Variants in QKI observed in about 807,000 individuals in gnomAD.
The protein encoded by QKI is QKI, KH domain containing RNA binding.
In QKI, 10 loss-of-function variants were observed where a neutral mutation model predicts 39.0. The ratio of observed to expected loss-of-function variants is 0.26; its 90% CI spans 0.16 to 0.43. QKI has a LOEUF of 0.43. Among genes scored for constraint, QKI ranks in the 20% least tolerant of loss-of-function variants. QKI has a pLI of 1.00. For missense variants in QKI, 218 were observed against 428.0 expected, an observed-to-expected ratio of 0.51 and a Z score of 4.33; for synonymous variants, 204 against 155.4, an observed-to-expected ratio of 1.31 and a Z score of -2.33.
chr6:163,543,092 G>T (rs1275250909), intron 4 of QKI, among the ~76,000 whole-genome samples: 1 of 152,040 alleles, frequency 6.6e-6, no homozygotes, highest in African/African-American at 2.4e-5. Context: ...ACCTGAAAAT[G>T]TTAAGAGTTA....
intron 3 of QKI, among the ~76,000 whole-genome samples, chr6:163,511,010 C>T (rs1402038312): frequency 2.6e-5 from 4 of 152,126 alleles, no homozygotes; most frequent in African/African-American, 9.7e-5. Flanking sequence ...TTCACCAAAA[C>T]AGAGCATGCT....
At chr6:163,507,070 A>G (rs1779146482) in intron 3 of QKI, among the ~76,000 whole-genome samples, 2 of 152,178 alleles carry the variant, frequency 1.3e-5, no homozygotes, top group Admixed American at 1.3e-4. Context: ...TGGGCATTGA[A>G]GCCAGTCTCA....
intron 1 of QKI, chr6:163,415,809 C>G (rs1787411304): frequency 2.3e-6 from 1 of 443,696 alleles, no homozygotes; most frequent in African/African-American, 2.0e-5. Context: ...CCCACCGCCC[C>G]GCGTTCGGGA....
At chr6:163,564,820 T>C in intron 6 of QKI, 1 of 1,583,646 alleles carries the variant, frequency 6.3e-7, no homozygotes, top group Middle Eastern at 1.7e-4. Flanking sequence ...ATTTGAATAC[T>C]TTTTTTCCTG....
At chr6:163,467,757 A>G (rs1791875100) in intron 2 of QKI, among the ~76,000 whole-genome samples, 1 of 152,178 alleles carries the variant, frequency 6.6e-6, no homozygotes, top group African/African-American at 2.4e-5. Flanking sequence ...TTTCCCTCAA[A>G]ACACAAGACA....
At chr6:163,492,448 AC>A (rs1778116792) in intron 3 of QKI, among the ~76,000 whole-genome samples, 1 of 152,194 alleles carries the variant, frequency 6.6e-6, no homozygotes, top group Admixed American at 6.5e-5. Context: ...ATGTTTAACA[AC>A]AATTGTGAAT....
chr6:163,439,587 C>T (rs1789599163), intron 1 of QKI, among the ~76,000 whole-genome samples: 2 of 150,994 alleles, frequency 1.3e-5, no homozygotes, highest in Non-Finnish European at 2.9e-5. Context: ...CTGCTGACCT[C>T]AGGTGATCCA....
intron 4 of QKI, among the ~76,000 whole-genome samples, chr6:163,546,483 T>A (rs1214022966): frequency 1.3e-5 from 2 of 152,058 alleles, no homozygotes; most frequent in Non-Finnish European, 2.9e-5. Flanking sequence ...TGTTTTGATA[T>A]TTTTAAGTAA....
intron 4 of QKI, among the ~76,000 whole-genome samples, chr6:163,543,697 T>A (rs1781686550): frequency 6.6e-6 from 1 of 152,084 alleles, no homozygotes; most frequent in Non-Finnish European, 1.5e-5. Flanking sequence ...TATAGAAGGC[T>A]GATAGCTTCT....
chr6:163,450,400 G>C (rs1562445875), intron 1 of QKI, among the ~76,000 whole-genome samples: 1 of 152,144 alleles, frequency 6.6e-6, no homozygotes, highest in Non-Finnish European at 1.5e-5. Flanking sequence ...AAGTAGCAGA[G>C]TGCACGTACA....
intron 1 of QKI, among the ~76,000 whole-genome samples, chr6:163,445,559 A>G (rs551858222): frequency 2.6e-5 from 4 of 151,660 alleles, no homozygotes; most frequent in African/African-American, 9.7e-5. Flanking sequence ...TGGCAAAACA[A>G]TCACACACAA....
intron 3 of QKI, among the ~76,000 whole-genome samples, chr6:163,508,664 G>A (rs772537192): frequency 2.7e-5 from 4 of 150,872 alleles, no homozygotes; most frequent in Non-Finnish European, 5.9e-5. Flanking sequence ...CAAGTAGCTG[G>A]GATTACAGGT....
At chr6:163,452,008 A>G (rs1019621169) in intron 1 of QKI, among the ~76,000 whole-genome samples, 3 of 152,238 alleles carry the variant, frequency 2.0e-5, no homozygotes, top group Non-Finnish European at 2.9e-5. Flanking sequence ...AAACAGGATT[A>G]TGGAGAAAAA....
intron 4 of QKI, among the ~76,000 whole-genome samples, chr6:163,542,189 C>G (rs1201240616): frequency 6.6e-6 from 1 of 151,990 alleles, no homozygotes; most frequent in Non-Finnish European, 1.5e-5. Flanking sequence ...AAAACTGTCT[C>G]TCCACACAGG....
chr6:163,521,666 G>A (rs1780166704), intron 3 of QKI, among the ~76,000 whole-genome samples: 1 of 152,030 alleles, frequency 6.6e-6, no homozygotes, highest in African/African-American at 2.4e-5. Context: ...GGGATTACAG[G>A]CGCATGCTAC....
intron 3 of QKI, among the ~76,000 whole-genome samples, chr6:163,510,880 A>T (rs896206560): frequency 2.0e-5 from 3 of 151,664 alleles, no homozygotes; most frequent in African/African-American, 7.3e-5. Context: ...CAACTAATAA[A>T]AAAAAATTAC....
intron 7 of QKI, chr6:163,570,399 A>G (rs757119368): frequency 2.0e-6 from 2 of 979,874 alleles, no homozygotes; most frequent in South Asian, 9.5e-5. Flanking sequence ...GCTACTAACT[A>G]TTAGTTGTTA....
intron 4 of QKI, among the ~76,000 whole-genome samples, chr6:163,557,831 A>G (rs1323023527): frequency 6.6e-6 from 1 of 152,020 alleles, no homozygotes; most frequent in Non-Finnish European, 1.5e-5. Flanking sequence ...AAAAAAAAAA[A>G]GAAATATCGT....
intron 3 of QKI, among the ~76,000 whole-genome samples, chr6:163,481,477 C>T (rs1737600): frequency 0.65 from 98,548 of 151,922 alleles, 33,059 homozygotes; most frequent in East Asian, 1. Flanking sequence ...GAAAAAAATA[C>T]CTGTGAAAGG....
Sources: allele counts gnomAD v4.1 joint callset (sites outside exome capture counted in the v4.1 genomes callset), GRCh38; gene constraint gnomAD v4.1.1; transcripts MANE v1.5; gene names NCBI Gene and HGNC (gene_info 2026-07-23, HGNC 2026-07-21).